The following PRMT9 variants were observed in gnomAD, a reference collection of about 807,000 sequenced individuals.
PRMT9 encodes protein arginine N-methyltransferase 9.
A neutral mutation model predicts 83.2 loss-of-function variants in PRMT9; 59 were observed. The ratio of observed to expected loss-of-function variants is 0.71; its 90% CI spans 0.57 to 0.88. The LOEUF is 0.88. PRMT9 is among the 40% of genes least tolerant of loss of function. The pLI is 0.00. For synonymous variants in PRMT9, 333 were observed against 353.2 expected (o/e 0.94, Z 0.64); for missense variants, 947 against 1,021.9 (o/e 0.93, Z 1.00).
Position 147,673,878 on chromosome 4 carries a change from G to C in PRMT9, c.339-4C>G, listed in dbSNP as rs765415358. On this transcript the variant is annotated splice_region_variant and splice_polypyrimidine_tract_variant and intron_variant, in intron 2 of 11. Coordinates refer to ENST00000322396, the MANE Select transcript of PRMT9 (RefSeq NM_138364.4). Reference sequence around the variant, plus strand: ...TGCTTCATCCCTAAAGCCCATTCTAGAGTAAAAAATGACAAAAGACAAAAT... The same window carrying C: ...TGCTTCATCCCTAAAGCCCATTCTACAGTAAAAAATGACAAAAGACAAAAT... The C allele has an allele frequency of 1.2e-6, 2 of 1,610,300 alleles. No individual in the cohort carries two copies. The highest frequency in any genetic ancestry group is 2.2e-5 in the South Asian group (2 of 90,990).
chr4:147,657,531 AAAAAAAG>A (rs1734601686), intron 8 of PRMT9, among the ~76,000 whole-genome samples: 1 of 152,078 alleles, frequency 6.6e-6, no homozygotes, highest in Admixed American at 6.5e-5. Context: ...CGTTAAAAAA[AAAAAAAG>A]AAAAAAGAAA....
intron 6 of PRMT9, among the ~76,000 whole-genome samples, chr4:147,666,362 A>C (rs1313557546): frequency 6.6e-6 from 1 of 152,172 alleles, no homozygotes; most frequent in Non-Finnish European, 1.5e-5. Context: ...TCCATCAAAT[A>C]GATTTTTTGG....
intron 5 of PRMT9, among the ~76,000 whole-genome samples, chr4:147,668,846 G>GGAGGCCA (rs1163273793): frequency 6.6e-6 from 1 of 152,126 alleles, no homozygotes; most frequent in African/African-American, 2.4e-5. Flanking sequence ...CAGCACTTTA[G>GGAGGCCA]GAGGCCAAGG....
intron 2 of PRMT9, 72 bp from the exon 3 acceptor site, chr4:147,673,946 C>T (rs1344290883): frequency 2.4e-6 from 3 of 1,234,464 alleles, no homozygotes; most frequent in Non-Finnish European, 3.6e-6. Context: ...TTTGTTTATG[C>T]CACTCACTTG....
rs759489455 is a variant in PRMT9, at chr4:147,659,586, TTTTTTTTC to T, written c.1146+1252_1146+1259del. ...CTTTGGGCACTTTCTTTTCTTTTTTTTTTTTTTCTGAGACGGAGTTTCGCTCTTGTTGC... is the reference window on the plus strand; with the variant it reads ...CTTTGGGCACTTTCTTTTCTTTTTTTTGAGACGGAGTTTCGCTCTTGTTGC... On this transcript the variant is annotated intron_variant, in intron 7 of 11. Transcript: ENST00000322396. 8.3e-3 allele frequency among the ~76,000 whole-genome samples: 1,198 copies of T among 143,716 alleles called. 23 individuals are homozygous for T. The highest frequency in any genetic ancestry group is 0.013 in the Non-Finnish European group (848 of 65,266). 94.3% of individuals were successfully genotyped at this position (143,716 alleles called of 152,430 possible).
Position 147,654,019 on chromosome 4 carries a change from A to T in PRMT9, c.1878T>A (p.Asn626Lys). ...RIALDLISEA[N>K]HFPKETLEFW... Reference sequence around the variant, plus strand: ...ACTCAAGTGTTTCTTTAGGAAAGTGATTGGCTTCAGATATGAGGTCCAGAG... The same window carrying T: ...ACTCAAGTGTTTCTTTAGGAAAGTGTTTGGCTTCAGATATGAGGTCCAGAG... The change falls in exon 9 of 12, where the codon AAT becomes AAA. Residue 626 changes from asparagine (N) to lysine (K), a missense_variant. Asn to Lys is a moderately conservative substitution (Grantham distance 94). Transcript: ENST00000322396. 6.2e-7 allele frequency: 1 copy of T among 1,614,196 alleles called. No individual in the cohort carries two copies. The highest frequency in any genetic ancestry group is 8.5e-7 in the Non-Finnish European group (1 of 1,180,034).
chr4:147,647,545 C>T lies in PRMT9; in HGVS notation c.2046-4605G>A, dbSNP rs184130812. ...CTTTTCTTTTTTTTTTTTTTTGAGA[C>T]GGAGTCTCACTCTGTTGCCCAGGCT... On this transcript the variant is annotated intron_variant, in intron 9 of 11. Transcript: ENST00000322396. Among the ~76,000 whole-genome samples the T allele has an allele frequency of 2.3e-3, 343 of 147,476 alleles. 1 individual carries two copies. Among genetic ancestry groups the T allele is most frequent in the Middle Eastern group, 0.014 (4 of 288 alleles).
intron 2 of PRMT9, among the ~76,000 whole-genome samples, chr4:147,679,933 C>T (rs1736354191): frequency 6.6e-6 from 1 of 152,076 alleles, no homozygotes; most frequent in South Asian, 2.1e-4. Context: ...AAGATACTTC[C>T]CCATGAGGCT....
In PRMT9 at chr4:147,661,048, G is replaced by C; in HGVS notation, c.954-10C>G. The C allele has an allele frequency of 6.3e-7, 1 of 1,575,770 alleles. No individual in the cohort carries two copies. The highest frequency in any genetic ancestry group is 8.7e-7 in the Non-Finnish European group (1 of 1,145,452). On this transcript the variant is annotated splice_polypyrimidine_tract_variant and intron_variant, in intron 6 of 11. Coordinates refer to ENST00000322396, the MANE Select transcript of PRMT9 (RefSeq NM_138364.4). The stretch of plus-strand genomic sequence containing the variant: ...GTCCTTAATACCCACTCTGGAGAGA[G>C]AGAAAATAGGGGAGGGGTAGGAAGA...
chr4:147,676,100 A>G (rs1434976614), intron 2 of PRMT9, among the ~76,000 whole-genome samples: 1 of 152,200 alleles, frequency 6.6e-6, no homozygotes, highest in Non-Finnish European at 1.5e-5. Flanking sequence ...TACCGTCCAA[A>G]TTAGAAATTT....
chr4:147,662,555 C>T (rs1197515028), intron 6 of PRMT9, among the ~76,000 whole-genome samples: 1 of 152,164 alleles, frequency 6.6e-6, no homozygotes, highest in East Asian at 1.9e-4. Context: ...AATCCCAGTA[C>T]TTTGGGAGGC....
intron 9 of PRMT9, among the ~76,000 whole-genome samples, chr4:147,650,237 C>G (rs567588681): frequency 5.9e-5 from 9 of 152,274 alleles, no homozygotes; most frequent in Middle Eastern, 6.8e-3. Flanking sequence ...GTATAATTAT[C>G]TCTATTCATA....
At chr4:147,669,936 A>C (rs1266310267) in intron 5 of PRMT9, among the ~76,000 whole-genome samples, 1 of 152,174 alleles carries the variant, frequency 6.6e-6, no homozygotes, top group Non-Finnish European at 1.5e-5. Context: ...AACAGAACCA[A>C]ACCAGCTATT....
chr4:147,679,513 T>C (rs1736316973), intron 2 of PRMT9, among the ~76,000 whole-genome samples: 1 of 151,672 alleles, frequency 6.6e-6, no homozygotes, highest in Non-Finnish European at 1.5e-5. Flanking sequence ...TTTGGGAGGC[T>C]GAGGCGGGTG....
Position 147,654,507 on chromosome 4 carries a change from A to T in PRMT9, c.1390T>A (p.Leu464Ile). The change falls in exon 9 of 12, where the codon TTA (leucine) becomes ATA (isoleucine). Residue 464 changes from leucine (L) to isoleucine (I), a missense_variant. Leu to Ile is a conservative substitution (Grantham distance 5). Coordinates refer to ENST00000322396, the MANE Select transcript of PRMT9 (RefSeq NM_138364.4). ...MMEVSCQDCY[L>I]RIQSISVLGL... Reference sequence around the variant, plus strand: ...AAGACACTAATACTCTGGATTCTTAAGTAACAGTCTTGACAAGATACTTCC... The same window carrying T: ...AAGACACTAATACTCTGGATTCTTATGTAACAGTCTTGACAAGATACTTCC... 1 of 1,614,018 alleles carries T rather than the reference A, an allele frequency of 6.2e-7. No homozygotes were observed. The highest frequency in any genetic ancestry group is 8.5e-7 in the Non-Finnish European group (1 of 1,180,016).
At chr4:147,659,929 C>T (rs921101601) in intron 7 of PRMT9, among the ~76,000 whole-genome samples, 6 of 152,122 alleles carry the variant, frequency 3.9e-5, no homozygotes, top group African/African-American at 1.4e-4. Flanking sequence ...CTAACACACA[C>T]ACTAGAGTGA....
At chr4:147,672,816 A>C in intron 4 of PRMT9, 143 bp downstream of exon 4, 2 of 403,422 alleles carry the variant, frequency 5.0e-6, no homozygotes, top group East Asian at 8.0e-5. Context: ...AATATGTCTT[A>C]TAATAAACTA....
At chr4:147,639,136 C>G in intron 10 of PRMT9, 54 bp from the exon 11 acceptor site, 1 of 1,590,122 alleles carries the variant, frequency 6.3e-7, no homozygotes, top group Non-Finnish European at 8.6e-7. Flanking sequence ...GGTCAGGGCT[C>G]AAGTTTTTCA....
At position 147,671,505 on chromosome 4, in the gene PRMT9, G is replaced by A. The variant is rs556925537; in HGVS notation, c.744-762C>T. Among the ~76,000 whole-genome samples, 3 of 152,292 alleles carry A rather than the reference G, an allele frequency of 2.0e-5. No homozygotes were observed. In the South Asian group the frequency reaches 6.2e-4, roughly 32 times the overall value. The stretch of plus-strand genomic sequence containing the variant: ...ACTCATTTATGTAGTTAGAAGATAA[G>A]AAAAGTTTCATGAATATTCTTTATC... On this transcript the variant is annotated intron_variant, in intron 4 of 11. Coordinates refer to ENST00000322396, the MANE Select transcript of PRMT9 (RefSeq NM_138364.4).
Sources: gnomAD v4.1 joint callset for allele counts (sites outside exome capture counted in the v4.1 genomes callset) on GRCh38, gnomAD v4.1.1 for gene constraint, MANE v1.5 for transcripts, NCBI Gene and HGNC (gene_info 2026-07-23, HGNC 2026-07-21) for gene names.